The following PARD6G variants were observed in gnomAD, a reference collection of about 807,000 sequenced individuals.
PARD6G encodes the protein par-6 family cell polarity regulator gamma.
PARD6G carries 7 observed loss-of-function variants against 10.7 expected under a neutral mutation model. The ratio of observed to expected loss-of-function variants is 0.66; its 90% CI spans 0.37 to 1.23. The LOEUF is 1.23. PARD6G is among the 50% of genes most tolerant of loss of function. The pLI is 0.02. For missense variants in PARD6G, 548 were observed against 571.8 expected, an observed-to-expected ratio of 0.96 and a Z score of 0.42; for synonymous variants, 287 against 269.4, an observed-to-expected ratio of 1.07 and a Z score of -0.64.
chr18:80,220,050 A>G (rs527857317), intron 1 of PARD6G, among the ~76,000 whole-genome samples: 2 of 152,268 alleles, frequency 1.3e-5, no homozygotes, highest in South Asian at 4.1e-4. Context: ...CCCAAGACTG[A>G]GTAATTTATA....
Position 80,182,389 on chromosome 18 carries a change from C to T in PARD6G, c.295+20321G>A, listed in dbSNP as rs921752557. Among the ~76,000 whole-genome samples, 5 of 152,230 alleles carry T rather than the reference C, an allele frequency of 3.3e-5. No individual in the cohort carries two copies. Among genetic ancestry groups the T allele is most frequent in the Admixed American group, 1.3e-4 (2 of 15,288 alleles). ...TGAGGGTGTGACAGGCCCTGAAGAACAGGTTCTGTGTCCACTTTAGATGCT... is the reference window on the plus strand; with the variant it reads ...TGAGGGTGTGACAGGCCCTGAAGAATAGGTTCTGTGTCCACTTTAGATGCT... On this transcript the variant is annotated intron_variant, in intron 2 of 2. Transcript: ENST00000353265. This position sits in a 1 kb window ranked among gnomAD's most constrained non-coding sequence, Gnocchi z 4.5.
At chr18:80,207,661 G>A (rs992473287) in intron 1 of PARD6G, among the ~76,000 whole-genome samples, 8 of 152,112 alleles carry the variant, frequency 5.3e-5, no homozygotes, top group African/African-American at 1.9e-4. Context: ...CAGTTCAGGA[G>A]TGTACATTCA....
At chr18:80,178,742 A>G (rs1472408511) in intron 2 of PARD6G, among the ~76,000 whole-genome samples, 2 of 152,334 alleles carry the variant, frequency 1.3e-5, no homozygotes, top group East Asian at 1.9e-4. Flanking sequence ...TACAGAACAC[A>G]TGAGGCAGAA....
At chr18:80,234,580 G>A (rs895730331) in intron 1 of PARD6G, among the ~76,000 whole-genome samples, 1 of 151,998 alleles carries the variant, frequency 6.6e-6, no homozygotes, top group Admixed American at 6.6e-5. Flanking sequence ...ATCAATGACC[G>A]AGATCACCCC....
intron 1 of PARD6G, among the ~76,000 whole-genome samples, chr18:80,214,393 G>C (rs1967140624): frequency 6.6e-6 from 1 of 152,084 alleles, no homozygotes; most frequent in Non-Finnish European, 1.5e-5. Context: ...ATGAACCCGG[G>C]AGGCGGACCT....
At chr18:80,217,326 C>A (rs146995411) in intron 1 of PARD6G, among the ~76,000 whole-genome samples, 1 of 152,078 alleles carries the variant, frequency 6.6e-6, no homozygotes, top group Non-Finnish European at 1.5e-5. Flanking sequence ...TAATTTATTA[C>A]CAAATAGATA....
chr18:80,183,583 T>A lies in PARD6G; in HGVS notation c.295+19127A>T, dbSNP rs1475364785. 6.0e-6 allele frequency: 1 copy of A among 165,826 alleles called. No individual in the cohort carries two copies. The highest frequency in any genetic ancestry group is 1.7e-4 in the East Asian group (1 of 5,824). The allele number at this position is 165,826 out of a possible 1,614,324, so 10.3% of individuals were successfully genotyped here. A position where few individuals can be genotyped will look rare whatever the true frequency, so the allele number is the denominator to read the frequency against. ...AGTACTCTCTGCCCGGGAGCCCACT[T>A]CATCCTGCTTCATCAGTCTCTGAAG... is the stretch of plus-strand genomic sequence containing the variant. On this transcript the variant is annotated intron_variant, in intron 2 of 2. Transcript: ENST00000353265. The surrounding 1 kb of genome is among the most constrained non-coding windows in gnomAD (Gnocchi z 4.5).
chr18:80,157,271 A>G lies in PARD6G; in HGVS notation c.*2500T>C, dbSNP rs1308066871. ...AAGTCAAAAAAGTTTTTATTCTCTG[A>G]TATATAAAACCAAGAAAACTTTAAT... On this transcript the variant is annotated 3_prime_UTR_variant, in exon 3 of 3. Transcript: ENST00000353265. 5 of 152,244 alleles carry G rather than the reference A, an allele frequency of 3.3e-5. No homozygotes were observed. The highest frequency in any genetic ancestry group is 1.2e-4 in the African/African-American group (5 of 41,454). The allele number at this position is 152,244 out of a possible 1,614,324, so 9.4% of individuals were successfully genotyped here. A position where few individuals can be genotyped will look rare whatever the true frequency, so the allele number is the denominator to read the frequency against.
intron 2 of PARD6G, among the ~76,000 whole-genome samples, chr18:80,173,352 C>T (rs1293535036): frequency 3.3e-5 from 5 of 152,112 alleles, no homozygotes; most frequent in African/African-American, 1.2e-4. Context: ...CGGCCGTGCA[C>T]GGTGGCTCAC....
Position 80,192,132 on chromosome 18 carries a change from T to C in PARD6G, c.295+10578A>G, listed in dbSNP as rs1318747953. Among the ~76,000 whole-genome samples the C allele has an allele frequency of 2.0e-5, 3 of 152,230 alleles. No homozygotes were observed. The highest frequency in any genetic ancestry group is 2.0e-4 in the Admixed American group (3 of 15,286). On this transcript the variant is annotated intron_variant, in intron 2 of 2. Transcript: ENST00000353265. The surrounding 1 kb of genome is among the most constrained non-coding windows in gnomAD (Gnocchi z 4.9). The stretch of plus-strand genomic sequence containing the variant: ...ATCATTAAGGAGTCACTAAAAACCC[T>C]AGAAGGTGTTGGGGTCACAAGACCA...
Position 80,183,078 on chromosome 18 carries a change from G to A in PARD6G, c.295+19632C>T, listed in dbSNP as rs1220633751. On this transcript the variant is annotated intron_variant, in intron 2 of 2. Coordinates refer to ENST00000353265, the MANE Select transcript of PARD6G (RefSeq NM_032510.4). This position sits in a 1 kb window ranked among gnomAD's most constrained non-coding sequence, Gnocchi z 4.5. ...CTACCATGGCATGCCGACAACAGGG[G>A]CACAGAGAAGTCCCCCTTTCAAACC... is the stretch of plus-strand genomic sequence containing the variant. 1.4e-6 allele frequency: 1 copy of A among 702,728 alleles called. No homozygotes were observed. Among genetic ancestry groups the A allele is most frequent in the Non-Finnish European group, 2.6e-6 (1 of 384,972 alleles). The allele number at this position is 702,728 out of a possible 1,614,324, so 43.5% of individuals were successfully genotyped here.
In PARD6G at chr18:80,184,743, A is replaced by T. The variant is rs2052865195; in HGVS notation, c.295+17967T>A. On this transcript the variant is annotated intron_variant, in intron 2 of 2. Transcript: ENST00000353265. This position sits in a 1 kb window ranked among gnomAD's most constrained non-coding sequence, Gnocchi z 4.5. ...TCACGTGAAATTTCCAGAACAGGGA[A>T]ATGCAGAGCGACAGAAAGCAGGTTA... The T allele has an allele frequency of 6.6e-6, 1 of 152,242 alleles. No individual in the cohort carries two copies. Among genetic ancestry groups the T allele is most frequent in the African/African-American group, 2.4e-5 (1 of 41,444 alleles). 9.4% of individuals were successfully genotyped at this position (152,242 alleles called of 1,614,324 possible). A position where few individuals can be genotyped will look rare whatever the true frequency, so the allele number is the denominator to read the frequency against.
At chr18:80,174,967 T>A (rs1030734822) in intron 2 of PARD6G, among the ~76,000 whole-genome samples, 4 of 151,006 alleles carry the variant, frequency 2.6e-5, no homozygotes, top group Admixed American at 2.0e-4. Flanking sequence ...AAAAAAAAAA[T>A]GTCCATTGTA....
At chr18:80,176,456 C>T (rs2052808275) in intron 2 of PARD6G, among the ~76,000 whole-genome samples, 1 of 152,184 alleles carries the variant, frequency 6.6e-6, no homozygotes, top group South Asian at 2.1e-4. Flanking sequence ...ACTTCCTACT[C>T]CCTTCAACAT....
intron 2 of PARD6G, among the ~76,000 whole-genome samples, chr18:80,191,476 C>T (rs1345300989): frequency 6.6e-6 from 1 of 152,184 alleles, no homozygotes; most frequent in African/African-American, 2.4e-5. Flanking sequence ...CCACAGCTCA[C>T]CACCAGGAGC....
intron 1 of PARD6G, among the ~76,000 whole-genome samples, chr18:80,219,836 T>A (rs1967210626): frequency 6.6e-6 from 1 of 152,180 alleles, no homozygotes; most frequent in East Asian, 1.9e-4. Context: ...CATCTTCCTG[T>A]CTTCTGAGCT....
rs144141761 is a variant in PARD6G at position 80,225,806 on chromosome 18, A to T, written c.72+21471T>A. Among the ~76,000 whole-genome samples, 121 of 152,078 alleles carry T rather than the reference A, an allele frequency of 8.0e-4. 1 individual carries two copies. Among genetic ancestry groups the T allele is most frequent in the African/African-American group, 2.8e-3 (116 of 41,470 alleles). On this transcript the variant is annotated intron_variant, in intron 1 of 2. Transcript: ENST00000353265. The stretch of plus-strand genomic sequence containing the variant: ...ATGCCCCCTCCCACATGTACAACAC[A>T]TACAAAGAGGAAAGTCCAGGTCTAG...
intron 1 of PARD6G, among the ~76,000 whole-genome samples, chr18:80,237,083 T>C (rs1285525718): frequency 3.3e-5 from 5 of 152,274 alleles, no homozygotes; most frequent in Non-Finnish European, 5.9e-5. Context: ...GGCATCAAGC[T>C]ACCTGACTTC....
chr18:80,187,046 C>A (rs1380666463), intron 2 of PARD6G, among the ~76,000 whole-genome samples: 1 of 151,834 alleles, frequency 6.6e-6, no homozygotes, highest in Admixed American at 6.6e-5. Context: ...TTGCAGTGAG[C>A]CGATTGCGCC....
Sources: allele counts gnomAD v4.1 joint callset (sites outside exome capture counted in the v4.1 genomes callset), GRCh38; gene constraint gnomAD v4.1.1; non-coding constraint Gnocchi (gnomAD v3.1); transcripts MANE v1.5; gene names NCBI Gene and HGNC (gene_info 2026-07-23, HGNC 2026-07-21).